The following CSTPP1 variants were observed in gnomAD, a reference collection of about 807,000 sequenced individuals.
The protein encoded by CSTPP1 is centriolar satellite-associated tubulin polyglutamylase complex regulator 1.
At chr11:47,053,902 G>T in the CSTPP1 span, among the ~76,000 whole-genome samples, 3 of 151,894 alleles carry the variant, frequency 2.0e-5, no homozygotes, top group South Asian at 6.2e-4. Flanking sequence ...TCATGATTAT[G>T]CCACTGACTC....
chr11:46,941,462 C>A, the CSTPP1 span, among the ~76,000 whole-genome samples: 5 of 152,194 alleles, frequency 3.3e-5, no homozygotes, highest in Non-Finnish European at 7.3e-5. Context: ...GTCTCAGCCT[C>A]CCAAGTAGCT....
the CSTPP1 span, among the ~76,000 whole-genome samples, chr11:47,051,022 A>G: frequency 6.6e-6 from 1 of 152,244 alleles, no homozygotes; most frequent in Non-Finnish European, 1.5e-5. Flanking sequence ...CAAGTTAGAT[A>G]CTTTCCCATG....
At chr11:47,110,976 G>A in the CSTPP1 span, among the ~76,000 whole-genome samples, 8 of 146,504 alleles carry the variant, frequency 5.5e-5, no homozygotes, top group East Asian at 4.3e-4. Context: ...TGCAAGCTCC[G>A]CCTCCCGGGT....
At chr11:47,052,402 G>T in the CSTPP1 span, 1 of 1,613,738 alleles carries the variant, frequency 6.2e-7, no homozygotes, top group Non-Finnish European at 8.5e-7. Flanking sequence ...AACAGTGTAT[G>T]CCAGGGAACA....
chr11:46,937,528 A>G, the CSTPP1 span, among the ~76,000 whole-genome samples: 1 of 152,230 alleles, frequency 6.6e-6, no homozygotes, highest in African/African-American at 2.4e-5. Flanking sequence ...ACACACACGC[A>G]TAGATATGTA....
the CSTPP1 span, among the ~76,000 whole-genome samples, chr11:47,151,681 C>T: frequency 3.2e-3 from 486 of 150,892 alleles, no homozygotes; most frequent in Middle Eastern, 6.8e-3. Flanking sequence ...AACACAAGCT[C>T]GGATCCATTT....
At chr11:47,054,027 C>G in the CSTPP1 span, among the ~76,000 whole-genome samples, 1 of 150,858 alleles carries the variant, frequency 6.6e-6, no homozygotes, top group Admixed American at 6.6e-5. Flanking sequence ...GACCCTGTTG[C>G]AGCCGGGCAC....
At chr11:47,024,025 A>G in the CSTPP1 span, among the ~76,000 whole-genome samples, 1 of 151,522 alleles carries the variant, frequency 6.6e-6, no homozygotes, top group Non-Finnish European at 1.5e-5. Flanking sequence ...TTTCTAAGAA[A>G]CCAGTTTATG....
chr11:46,938,493 C>T, the CSTPP1 span, among the ~76,000 whole-genome samples: 1 of 142,300 alleles, frequency 7.0e-6, no homozygotes, highest in East Asian at 2.9e-4. Flanking sequence ...AGAATAGTTT[C>T]ACTGTCCTGA....
chr11:47,074,359 G>A, the CSTPP1 span, among the ~76,000 whole-genome samples: 1 of 151,474 alleles, frequency 6.6e-6, no homozygotes, highest in African/African-American at 2.4e-5. Flanking sequence ...AAACTCACCA[G>A]GCATAGTGGC....
At chr11:46,967,011 A>T in the CSTPP1 span, among the ~76,000 whole-genome samples, 1 of 152,046 alleles carries the variant, frequency 6.6e-6, no homozygotes, top group Non-Finnish European at 1.5e-5. Context: ...TGGCTGGGAG[A>T]GACAGACTCT....
chr11:47,104,141 G>A, the CSTPP1 span, among the ~76,000 whole-genome samples: 1 of 152,166 alleles, frequency 6.6e-6, no homozygotes, highest in Admixed American at 6.5e-5. Context: ...CCAAGCATTT[G>A]ATAAGCATTC....
the CSTPP1 span, among the ~76,000 whole-genome samples, chr11:47,051,490 C>T: frequency 5.9e-5 from 9 of 151,952 alleles, no homozygotes; most frequent in Non-Finnish European, 8.8e-5. Flanking sequence ...CACTTTATAC[C>T]CTTGTTTCTA....
At chr11:47,131,617 G>A in the CSTPP1 span, among the ~76,000 whole-genome samples, 1 of 152,178 alleles carries the variant, frequency 6.6e-6, no homozygotes, top group Non-Finnish European at 1.5e-5. Context: ...TCATGCTAGA[G>A]TTGTAACAGC....
At chr11:46,951,442 G>T in the CSTPP1 span, among the ~76,000 whole-genome samples, 2 of 151,922 alleles carry the variant, frequency 1.3e-5, no homozygotes, top group African/African-American at 4.8e-5. Context: ...GACTATAGGA[G>T]TGTGCTACCA....
chr11:47,134,804 C>T, the CSTPP1 span, among the ~76,000 whole-genome samples: 1 of 152,168 alleles, frequency 6.6e-6, no homozygotes, highest in Non-Finnish European at 1.5e-5. Flanking sequence ...CAACAGAGAA[C>T]TTTCAAGGCA....
chr11:47,130,259 AAAAAAAAAACC>A, the CSTPP1 span, among the ~76,000 whole-genome samples: 2 of 151,882 alleles, frequency 1.3e-5, no homozygotes, highest in Non-Finnish European at 2.9e-5. Flanking sequence ...CTGTCTCAAA[AAAAAAAAAACC>A]AAAAAAAAAC....
the CSTPP1 span, among the ~76,000 whole-genome samples, chr11:46,942,852 A>G: frequency 1.1e-4 from 16 of 152,342 alleles, no homozygotes; most frequent in African/African-American, 3.6e-4. Context: ...GCAATGATGC[A>G]TAGTAAACAG....
the CSTPP1 span, among the ~76,000 whole-genome samples, chr11:47,037,936 G>A: frequency 1.4e-3 from 174 of 127,678 alleles, 9 homozygotes; most frequent in African/African-American, 4.1e-3. Context: ...CCGGGCAGAG[G>A]GGCTCCTCAC....
Sources: allele counts gnomAD v4.1 joint callset (sites outside exome capture counted in the v4.1 genomes callset), GRCh38; gene constraint gnomAD v4.1.1; transcripts MANE v1.5; gene names NCBI Gene and HGNC (gene_info 2026-07-23, HGNC 2026-07-21).